Variants in CD99 observed in about 807,000 individuals in gnomAD.
CD99 encodes CD99 antigen.
Under a neutral mutation model 28.4 loss-of-function variants are expected in CD99, and 19 were observed. That is an observed-to-expected ratio of 0.67 (90% CI 0.47 to 0.98). The LOEUF (loss-of-function observed/expected upper bound fraction) is 0.98, where lower values mean the gene tolerates loss of function less well. CD99 is among the 50% of genes least tolerant of loss of function. The probability of loss-of-function intolerance (pLI) is 0.00; values close to 1 mark genes in which losing one functional copy is unlikely to be tolerated. For missense variants in CD99, 283 were observed against 248.8 expected (o/e 1.14, Z -0.92); for synonymous variants, 103 against 92.1 (o/e 1.12, Z -0.67).
Position 2,694,685 on chromosome X carries a change from A to G in CD99, c.67+3258A>G, listed in dbSNP as rs551448318. ...GGAAAATCACTTCAGCCCGGGAAGC[A>G]GAGGTTGCAGTGAGCTGAGATCGTG... On this transcript the variant is annotated intron_variant, in intron 1 of 9. Coordinates refer to ENST00000381192, the MANE Select transcript of CD99 (RefSeq NM_002414.5). 2.1e-4 allele frequency among the ~76,000 whole-genome samples: 32 copies of G among 152,098 alleles called. 1 individual carries two copies. The highest frequency in any genetic ancestry group is 7.0e-4 in the African/African-American group (29 of 41,520).
chrX:2,693,976 C>T (rs2047451782), intron 1 of CD99, among the ~76,000 whole-genome samples: 1 of 152,182 alleles, frequency 6.6e-6, no homozygotes, highest in South Asian at 2.1e-4. Context: ...AAGAATTCAT[C>T]TGGTCCCAAA....
At chrX:2,705,905 G>T (rs1333258459) in intron 1 of CD99, among the ~76,000 whole-genome samples, 1 of 152,072 alleles carries the variant, frequency 6.6e-6, no homozygotes, top group Admixed American at 6.6e-5. Flanking sequence ...GAGGACTTCC[G>T]GTGCTTGCTC....
At chrX:2,701,124 A>G (rs1246995064) in intron 1 of CD99, among the ~76,000 whole-genome samples, 1 of 139,064 alleles carries the variant, frequency 7.2e-6, no homozygotes, top group East Asian at 2.2e-4. Flanking sequence ...CCATCTTTCC[A>G]CTCATCCCAT....
chrX:2,719,844 G>A (rs943543687), intron 4 of CD99, 139 bp downstream of exon 4: 16 of 879,982 alleles, frequency 1.8e-5, no homozygotes, highest in East Asian at 1.2e-4. Flanking sequence ...TAGGTGTGTC[G>A]GTTTGTTCTT....
chrX:2,723,346 A>T lies in CD99; in HGVS notation c.343A>T (p.Arg115Trp), dbSNP rs762713240. ...AGGCAGTGATGGTGGAGGCAGCCAC[A>T]GGAAAGAAGGGGAAGAGGGTAGGTG... ...KGGSDGGGSH[R>W]KEGEEADAPG... The change falls in exon 7 of 10, where the codon AGG becomes TGG. Residue 115 changes from arginine (R) to tryptophan (W), a missense_variant. Physicochemically the swap from Arg to Trp is moderately radical, Grantham distance 101. Transcript: ENST00000381192. The T allele has an allele frequency of 6.2e-7, 1 of 1,613,978 alleles. No homozygotes were observed. Among genetic ancestry groups the T allele is most frequent in the Non-Finnish European group, 8.5e-7 (1 of 1,179,858 alleles).
At position 2,737,207 on chromosome X, in the gene CD99, T is replaced by C. The variant is rs761582738; in HGVS notation, c.476-993T>C. On this transcript the variant is annotated intron_variant, in intron 8 of 9. Coordinates refer to ENST00000381192, the MANE Select transcript of CD99 (RefSeq NM_002414.5). ...TTTTAATTTTTATTTTGAGACAGTC[T>C]TGCTCTGTCACCCACGCTGGAGTGC... 8.1e-4 allele frequency among the ~76,000 whole-genome samples: 124 copies of C among 152,336 alleles called. No individual in the cohort carries two copies. In the Middle Eastern group the frequency reaches 0.02, roughly 25 times the overall value.
chrX:2,738,338 C>A, intron 9 of CD99, 82 bp downstream of exon 9: 1 of 1,338,372 alleles, frequency 7.5e-7, no homozygotes, highest in Non-Finnish European at 1.1e-6. Context: ...ATCTTGCTGT[C>A]CTGCTCACAT....
intron 8 of CD99, among the ~76,000 whole-genome samples, chrX:2,731,540 G>A (rs1451799432): frequency 6.6e-6 from 1 of 152,134 alleles, no homozygotes; most frequent in Non-Finnish European, 1.5e-5. Context: ...AGTGAGCCGA[G>A]ATCGAGCCAC....
intron 8 of CD99, chrX:2,727,415 C>G: frequency 6.6e-6 from 5 of 752,528 alleles, no homozygotes; most frequent in Non-Finnish European, 1.2e-5. Context: ...TAGCTCTTGC[C>G]TTCCCTCTTG....
chrX:2,733,408 G>C, intron 8 of CD99: 2 of 1,581,228 alleles, frequency 1.3e-6, no homozygotes. Flanking sequence ...CCTGCGGAGC[G>C]TCCTGACCGT....
At chrX:2,695,954 A>G (rs895845648) in intron 1 of CD99, among the ~76,000 whole-genome samples, 8 of 152,158 alleles carry the variant, frequency 5.3e-5, no homozygotes, top group Non-Finnish European at 8.8e-5. Flanking sequence ...CAACTGTCCT[A>G]CATTCTTATT....
intron 8 of CD99, among the ~76,000 whole-genome samples, chrX:2,727,977 G>T (rs2049380757): frequency 6.6e-6 from 1 of 152,100 alleles, no homozygotes; most frequent in African/African-American, 2.4e-5. Context: ...AGACTGTAGG[G>T]GTGGAGTTTC....
intron 1 of CD99, among the ~76,000 whole-genome samples, chrX:2,699,593 C>T (rs1161149091): frequency 6.6e-6 from 1 of 151,948 alleles, no homozygotes; most frequent in African/African-American, 2.4e-5. Context: ...GCCTCAGCCT[C>T]CCTCAGGCGT....
chrX:2,732,242 C>T (rs17807417), intron 8 of CD99, among the ~76,000 whole-genome samples: 46,460 of 151,786 alleles, frequency 0.31, 7,385 homozygotes, highest in Middle Eastern at 0.37. Flanking sequence ...GTTGGCTTCG[C>T]GGGGGACCTG....
At chrX:2,722,768 T>A in intron 6 of CD99, 94 bp downstream of exon 6, 3 of 1,214,498 alleles carry the variant, frequency 2.5e-6, no homozygotes, top group Non-Finnish European at 2.5e-6. Flanking sequence ...CTGTCAGCTC[T>A]CTGTGAACTC....
At chrX:2,708,702 G>A (rs1190555107) in intron 1 of CD99, among the ~76,000 whole-genome samples, 27 of 152,192 alleles carry the variant, frequency 1.8e-4, no homozygotes, top group Admixed American at 7.9e-4. Context: ...GGAGAAGGGC[G>A]TGAGGGGCAT....
chrX:2,740,868 T>C lies in CD99; in HGVS notation c.*64T>C. 1 of 1,569,378 alleles carries C rather than the reference T, an allele frequency of 6.4e-7. No homozygotes were observed. The highest frequency in any genetic ancestry group is 8.8e-7 in the Non-Finnish European group (1 of 1,139,010). On this transcript the variant is annotated 3_prime_UTR_variant, in exon 10 of 10. Transcript: ENST00000381192. Reference sequence around the variant, plus strand: ...GGTTAGAACAGCTGCCTGAGGCTCCTCCCTGAAGGACACCTGCCTGAGAGC... The same window carrying C: ...GGTTAGAACAGCTGCCTGAGGCTCCCCCCTGAAGGACACCTGCCTGAGAGC...
intron 1 of CD99, among the ~76,000 whole-genome samples, chrX:2,707,045 A>G (rs978853689): frequency 1.1e-4 from 16 of 152,126 alleles, no homozygotes; most frequent in Non-Finnish European, 2.1e-4. Context: ...AGATAACCCA[A>G]GTGTTCGGGC....
At chrX:2,735,973 T>C (rs1235960877) in intron 8 of CD99, among the ~76,000 whole-genome samples, 2 of 151,864 alleles carry the variant, frequency 1.3e-5, no homozygotes, top group Non-Finnish European at 2.9e-5. Flanking sequence ...GAGGCCGAGG[T>C]GGGCAGATCA....
Sources: gnomAD v4.1 joint callset for allele counts (sites outside exome capture counted in the v4.1 genomes callset) on GRCh38, gnomAD v4.1.1 for gene constraint, MANE v1.5 for transcripts, NCBI Gene and HGNC (gene_info 2026-07-23, HGNC 2026-07-21) for gene names.